The following NAALADL2 variants were observed in gnomAD, a reference collection of about 807,000 sequenced individuals.
The protein encoded by NAALADL2 is inactive N-acetylated-alpha-linked acidic dipeptidase-like protein 2.
NAALADL2 carries 76 observed loss-of-function variants against 87.2 expected under a neutral mutation model. That is an observed-to-expected ratio of 0.87 (90% CI 0.72 to 1.05). NAALADL2 has a LOEUF of 1.05. Ranked by LOEUF, NAALADL2 falls within the 50% of genes least tolerant of loss-of-function variation. NAALADL2 has a pLI of 0.00. For synonymous variants in NAALADL2, 354 were observed against 331.0 expected, an observed-to-expected ratio of 1.07 and a Z score of -0.75; for missense variants, 1,089 against 945.8, an observed-to-expected ratio of 1.15 and a Z score of -1.99.
intron 11 of NAALADL2, among the ~76,000 whole-genome samples, chr3:175,650,343 G>A (rs896935692): frequency 5.9e-5 from 9 of 152,108 alleles, no homozygotes; most frequent in Admixed American, 5.2e-4. Context: ...AGTATTGATT[G>A]CAAATAGAAC....
At chr3:174,743,371 A>G (rs906467251) in intron 3 of NAALADL2, among the ~76,000 whole-genome samples, 10 of 151,932 alleles carry the variant, frequency 6.6e-5, no homozygotes, top group African/African-American at 1.7e-4. Flanking sequence ...TTCTGAGAAA[A>G]CGGTCTTAAA....
chr3:175,780,137 G>C (rs1474091149), intron 13 of NAALADL2, among the ~76,000 whole-genome samples: 23 of 151,506 alleles, frequency 1.5e-4, no homozygotes, highest in Non-Finnish European at 3.1e-4. Flanking sequence ...TTAGCCGGGC[G>C]TGGTGGTGGG....
chr3:174,535,586 T>G (rs139997494), intron 1 of NAALADL2, among the ~76,000 whole-genome samples: 204 of 152,224 alleles, frequency 1.3e-3, no homozygotes, highest in Middle Eastern at 6.8e-3. Context: ...TGCCCCAACT[T>G]TTATTTTATC....
chr3:175,748,782 T>C (rs1034416987), intron 12 of NAALADL2, among the ~76,000 whole-genome samples: 8 of 151,972 alleles, frequency 5.3e-5, no homozygotes, highest in Non-Finnish European at 1.2e-4. Flanking sequence ...GAGATCATAA[T>C]GATAAGCAGT....
chr3:175,476,390 T>G (rs531039720), intron 9 of NAALADL2, among the ~76,000 whole-genome samples: 78 of 152,066 alleles, frequency 5.1e-4, no homozygotes, highest in Non-Finnish European at 9.4e-4. Flanking sequence ...TGTGCATAAA[T>G]AGCTAAGATA....
intron 10 of NAALADL2, among the ~76,000 whole-genome samples, chr3:175,595,644 C>T (rs965045258): frequency 6.6e-6 from 1 of 151,754 alleles, no homozygotes; most frequent in East Asian, 1.9e-4. Flanking sequence ...TTTATAACAG[C>T]CACAGAGAAA....
At chr3:175,083,316 A>G (rs922855486) in intron 1 of NAALADL2, among the ~76,000 whole-genome samples, 5 of 152,148 alleles carry the variant, frequency 3.3e-5, no homozygotes, top group African/African-American at 9.7e-5. Context: ...CTCATGATGC[A>G]TATTTATCTC....
intron 11 of NAALADL2, among the ~76,000 whole-genome samples, chr3:175,639,294 C>A (rs1047818098): frequency 7.0e-6 from 1 of 143,200 alleles, no homozygotes; most frequent in Non-Finnish European, 1.5e-5. Context: ...CTGCCCACAG[C>A]AGTTTTTTTT....
At chr3:174,841,986 T>C (rs1724071172) in intron 3 of NAALADL2, among the ~76,000 whole-genome samples, 1 of 152,154 alleles carries the variant, frequency 6.6e-6, no homozygotes, top group South Asian at 2.1e-4. Context: ...TGTGTGTGAA[T>C]GTGTGTGAAG....
intron 1 of NAALADL2, among the ~76,000 whole-genome samples, chr3:174,883,886 G>C (rs1253936733): frequency 6.6e-6 from 1 of 152,088 alleles, no homozygotes; most frequent in African/African-American, 2.4e-5. Context: ...GTAATACTAA[G>C]AGACCCCCTA....
intron 11 of NAALADL2, among the ~76,000 whole-genome samples, chr3:175,673,813 A>G (rs903366149): frequency 6.6e-6 from 1 of 152,092 alleles, no homozygotes; most frequent in South Asian, 2.1e-4. Context: ...ACAAATCCCA[A>G]CTTCCCAACT....
chr3:175,212,264 C>G (rs1024701079), intron 2 of NAALADL2, among the ~76,000 whole-genome samples: 12 of 151,664 alleles, frequency 7.9e-5, no homozygotes, highest in Non-Finnish European at 1.5e-5. Flanking sequence ...TGTAGAACAT[C>G]TATACACTAG....
chr3:175,190,515 A>G (rs550926284), intron 2 of NAALADL2, among the ~76,000 whole-genome samples: 4 of 152,308 alleles, frequency 2.6e-5, no homozygotes, highest in African/African-American at 9.6e-5. Flanking sequence ...ACCTGTTAGG[A>G]TGTCTATTAT....
intron 5 of NAALADL2, among the ~76,000 whole-genome samples, chr3:175,363,559 C>T (rs1765254888): frequency 6.8e-6 from 1 of 147,480 alleles, no homozygotes; most frequent in Non-Finnish European, 1.5e-5. Flanking sequence ...TGTCATTTTC[C>T]AGTGTCAAAT....
intron 5 of NAALADL2, among the ~76,000 whole-genome samples, chr3:175,380,471 T>TC: frequency 6.6e-6 from 1 of 152,246 alleles, no homozygotes; most frequent in East Asian, 1.9e-4. Context: ...TCCATTTTTT[T>TC]CCGCAAAGAA....
intron 1 of NAALADL2, among the ~76,000 whole-genome samples, chr3:175,048,010 A>G (rs1327812883): frequency 6.6e-6 from 1 of 152,176 alleles, no homozygotes; most frequent in African/African-American, 2.4e-5. Flanking sequence ...GTGGCACTTC[A>G]TTAAGATAAT....
At chr3:174,936,321 TGAA>T (rs1309787839) in intron 1 of NAALADL2, among the ~76,000 whole-genome samples, 4 of 152,078 alleles carry the variant, frequency 2.6e-5, no homozygotes, top group Non-Finnish European at 4.4e-5. Context: ...ACATGTACCT[TGAA>T]GAAGAATTAT....
At chr3:174,834,670 C>T (rs925956539) in intron 3 of NAALADL2, among the ~76,000 whole-genome samples, 4 of 151,582 alleles carry the variant, frequency 2.6e-5, no homozygotes, top group African/African-American at 9.7e-5. Flanking sequence ...CTATTAAAAA[C>T]AAATTATAAA....
chr3:175,639,214 C>G (rs1258202468), intron 11 of NAALADL2, among the ~76,000 whole-genome samples: 1 of 151,742 alleles, frequency 6.6e-6, no homozygotes, highest in Non-Finnish European at 1.5e-5. Context: ...GGGAGCTTCT[C>G]TAGCAAACAG....
Sources: allele counts gnomAD v4.1 joint callset (sites outside exome capture counted in the v4.1 genomes callset), GRCh38; gene constraint gnomAD v4.1.1; transcripts MANE v1.5; gene names NCBI Gene and HGNC (gene_info 2026-07-23, HGNC 2026-07-21).